The following SFMBT1 variants were observed in gnomAD, a reference collection of about 807,000 sequenced individuals.
SFMBT1 encodes the protein Scm like with four mbt domains 1, also known as scm-like with four MBT domains protein 1.
Under a neutral mutation model 108.7 loss-of-function variants are expected in SFMBT1, and 32 were observed. The observed-to-expected ratio is 0.29, with a 90% CI of 0.22 to 0.40. The LOEUF (loss-of-function observed/expected upper bound fraction) is 0.40. Ranked by LOEUF, SFMBT1 falls within the 10% of genes least tolerant of loss-of-function variation. The pLI is 1.00. For synonymous variants in SFMBT1, 348 were observed against 369.5 expected, an observed-to-expected ratio of 0.94 and a Z score of 0.67; for missense variants, 816 against 1,059.6, an observed-to-expected ratio of 0.77 and a Z score of 3.19.
At chr3:53,034,879 C>T (rs1575453002) in intron 1 of SFMBT1, among the ~76,000 whole-genome samples, 1 of 152,170 alleles carries the variant, frequency 6.6e-6, no homozygotes, top group Non-Finnish European at 1.5e-5. Flanking sequence ...GCAGAGGCTG[C>T]AATGAGCCAA....
chr3:52,927,703 G>A (rs1702700694), intron 9 of SFMBT1, among the ~76,000 whole-genome samples: 1 of 152,124 alleles, frequency 6.6e-6, no homozygotes, highest in Admixed American at 6.5e-5. Flanking sequence ...CCTACTCCCT[G>A]AGTTCTACTC....
At chr3:53,004,934 T>C (rs1270424023) in intron 1 of SFMBT1, among the ~76,000 whole-genome samples, 1 of 152,214 alleles carries the variant, frequency 6.6e-6, no homozygotes, top group Admixed American at 6.5e-5. Flanking sequence ...AGAGGAGACG[T>C]AAGTCAGATA....
intron 3 of SFMBT1, among the ~76,000 whole-genome samples, chr3:52,950,136 G>A (rs926551731): frequency 1.3e-5 from 2 of 152,096 alleles, no homozygotes; most frequent in South Asian, 4.2e-4. Flanking sequence ...TACCATATAT[G>A]TTAGTGTTTT....
chr3:53,020,261 T>G (rs533328978), intron 1 of SFMBT1, among the ~76,000 whole-genome samples: 1 of 152,102 alleles, frequency 6.6e-6, no homozygotes, highest in South Asian at 2.1e-4. Context: ...TGGTGGTGCA[T>G]GCCTGTAATC....
At chr3:53,029,322 T>C (rs1699605040) in intron 1 of SFMBT1, among the ~76,000 whole-genome samples, 1 of 152,098 alleles carries the variant, frequency 6.6e-6, no homozygotes, top group Non-Finnish European at 1.5e-5. Flanking sequence ...GTTATAAATA[T>C]ATTCTCTGAG....
At chr3:53,034,246 T>C (rs546612953) in intron 1 of SFMBT1, among the ~76,000 whole-genome samples, 274 of 152,334 alleles carry the variant, frequency 1.8e-3, no homozygotes, top group Admixed American at 3.7e-3. Flanking sequence ...GTAATAATAC[T>C]TTATAAAATT....
intron 1 of SFMBT1, among the ~76,000 whole-genome samples, chr3:52,990,213 G>C (rs1421785254): frequency 6.6e-6 from 1 of 152,136 alleles, no homozygotes; most frequent in African/African-American, 2.4e-5. Flanking sequence ...GTCATTAAAA[G>C]GTTTTTCCTC....
At chr3:53,045,293 C>G (rs1700188516) in intron 1 of SFMBT1, 2 of 146,612 alleles carry the variant, frequency 1.4e-5, no homozygotes, top group East Asian at 2.0e-4. Flanking sequence ...GCCGCGCGCC[C>G]GGCCCCAGCT....
At chr3:53,030,683 C>CAAAA (rs10668462) in intron 1 of SFMBT1, among the ~76,000 whole-genome samples, 1,038 of 82,608 alleles carry the variant, frequency 0.013, 37 homozygotes, top group African/African-American at 0.038. Context: ...GGCCATAATG[C>CAAAA]AAAAAAAAAA....
intron 17 of SFMBT1, among the ~76,000 whole-genome samples, chr3:52,909,419 TAAATAG>T (rs1559506887): frequency 6.6e-6 from 1 of 152,288 alleles, no homozygotes; most frequent in East Asian, 1.9e-4. Flanking sequence ...CCAATAAATA[TAAATAG>T]AAACTAGAAG....
At chr3:52,962,342 C>T (rs1178344114) in intron 2 of SFMBT1, among the ~76,000 whole-genome samples, 1 of 152,120 alleles carries the variant, frequency 6.6e-6, no homozygotes, top group Non-Finnish European at 1.5e-5. Context: ...CCCTGACGTC[C>T]ATCAATAAGG....
chr3:52,915,156 C>T (rs531743108), intron 14 of SFMBT1, among the ~76,000 whole-genome samples: 1 of 152,328 alleles, frequency 6.6e-6, no homozygotes, highest in East Asian at 1.9e-4. Context: ...ACTTCCTTTA[C>T]TCCTTCTAAG....
Position 52,985,972 on chromosome 3 carries a change from G to A in SFMBT1, c.-130-16714C>T, listed in dbSNP as rs144784456. 2.2e-4 allele frequency among the ~76,000 whole-genome samples: 33 copies of A among 151,538 alleles called. 1 individual carries two copies. Among genetic ancestry groups the A allele is most frequent in the East Asian group, 1.6e-3 (8 of 5,134 alleles). ...AGCCTGGCCAACATGGTGAAACCCC[G>A]TCTCTACTAAAAATACAAAAATTAG... On this transcript the variant is annotated intron_variant, in intron 1 of 20. Coordinates refer to ENST00000394752, the MANE Select transcript of SFMBT1 (RefSeq NM_016329.4).
chr3:53,018,428 A>T (rs1575442001), intron 1 of SFMBT1, among the ~76,000 whole-genome samples: 1 of 152,036 alleles, frequency 6.6e-6, no homozygotes, highest in Non-Finnish European at 1.5e-5. Context: ...CCCTGTTCCC[A>T]TATTTACTCT....
chr3:52,931,609 G>A (rs922215560), intron 6 of SFMBT1, among the ~76,000 whole-genome samples: 1 of 152,176 alleles, frequency 6.6e-6, no homozygotes, highest in African/African-American at 2.4e-5. Flanking sequence ...GGAGGCTGAG[G>A]TGGGCGGATC....
At chr3:52,981,018 C>T (rs1186251142) in intron 1 of SFMBT1, among the ~76,000 whole-genome samples, 5 of 152,020 alleles carry the variant, frequency 3.3e-5, no homozygotes, top group Admixed American at 6.6e-5. Context: ...CAAAATTAGC[C>T]GGGCGTGGTG....
At chr3:53,037,831 C>T (rs980654368) in intron 1 of SFMBT1, among the ~76,000 whole-genome samples, 7 of 152,024 alleles carry the variant, frequency 4.6e-5, no homozygotes, top group African/African-American at 1.4e-4. Context: ...TTTAAAGGCC[C>T]GGCGCAGTGG....
intron 2 of SFMBT1, among the ~76,000 whole-genome samples, chr3:52,960,163 A>C (rs1703913143): frequency 6.6e-6 from 1 of 151,882 alleles, no homozygotes; most frequent in Non-Finnish European, 1.5e-5. Flanking sequence ...AGGCAAGTGC[A>C]GAATGAAAAG....
intron 1 of SFMBT1, among the ~76,000 whole-genome samples, chr3:53,027,361 T>C (rs12633064): frequency 0.27 from 40,384 of 151,990 alleles, 5,878 homozygotes; most frequent in Middle Eastern, 0.4. Context: ...ACACAAGTTC[T>C]GTATCATTTC....
Sources: allele counts gnomAD v4.1 joint callset (sites outside exome capture counted in the v4.1 genomes callset), GRCh38; gene constraint gnomAD v4.1.1; transcripts MANE v1.5; gene names NCBI Gene and HGNC (gene_info 2026-07-23, HGNC 2026-07-21).